NLGN1: variants seen among roughly 807,000 people sequenced by gnomAD.
NLGN1 encodes neuroligin-1.
Under a neutral mutation model 65.5 loss-of-function variants are expected in NLGN1, and 12 were observed. The ratio of observed to expected loss-of-function variants is 0.18; its 90% confidence interval spans 0.12 to 0.30. The LOEUF is 0.30. NLGN1 is among the 10% of genes least tolerant of loss of function. The probability of loss-of-function intolerance (pLI) is 1.00; values close to 1 mark genes in which losing one functional copy is unlikely to be tolerated. For missense variants in NLGN1, 750 were observed against 1,007.1 expected, an observed-to-expected ratio of 0.74 and a Z score of 3.46; for synonymous variants, 350 against 359.5, an observed-to-expected ratio of 0.97 and a Z score of 0.30.
chr3:173,452,257 G>A lies in NLGN1; in HGVS notation c.-321+17179G>A, dbSNP rs144099751. On this transcript the variant is annotated intron_variant, in intron 2 of 6. Transcript: ENST00000457714. ...GTTGCCCAGGCTGGAGTGCAGTGGC[G>A]CGATCTTGGCTCACTGTAAGCTCTT... Among the ~76,000 whole-genome samples the A allele has an allele frequency of 3.3e-3, 497 of 151,872 alleles. 2 individuals are homozygous for A. Among genetic ancestry groups the A allele is most frequent in the African/African-American group, 0.011 (451 of 41,352 alleles).
rs114220806 is a variant in NLGN1, at chr3:173,829,984, T to C, written c.646+22152T>C. 3.1e-3 allele frequency among the ~76,000 whole-genome samples: 422 copies of C among 137,068 alleles called. 2 individuals are homozygous for C. The highest frequency in any genetic ancestry group is 0.011 in the African/African-American group (384 of 34,318). 89.9% of individuals were successfully genotyped at this position (137,068 alleles called of 152,430 possible). On this transcript the variant is annotated intron_variant, in intron 4 of 6. Transcript: ENST00000457714. ...TATTTGCCCGGTGACTTTGGGTAGG[T>C]TATAGAATTACAGTGGGTAGTGTGG...
At chr3:174,152,422 C>T (rs1724549137) in intron 4 of NLGN1, among the ~76,000 whole-genome samples, 1 of 152,060 alleles carries the variant, frequency 6.6e-6, no homozygotes, top group Non-Finnish European at 1.5e-5. Context: ...CGCATGTTCT[C>T]ACTCATAGGT....
chr3:173,615,766 C>A (rs1577551303), intron 3 of NLGN1, among the ~76,000 whole-genome samples: 2 of 144,628 alleles, frequency 1.4e-5, no homozygotes, highest in Non-Finnish European at 1.5e-5. Flanking sequence ...TTTTTTAAAG[C>A]CTAAAGTGTA....
At chr3:173,855,186 T>C (rs1008240634) in intron 4 of NLGN1, among the ~76,000 whole-genome samples, 1 of 152,080 alleles carries the variant, frequency 6.6e-6, no homozygotes, top group African/African-American at 2.4e-5. Context: ...AGTGGTGATA[T>C]TAAGAATTTA....
intron 4 of NLGN1, among the ~76,000 whole-genome samples, chr3:174,172,941 A>G (rs78014064): frequency 0.013 from 2,022 of 152,126 alleles, 49 homozygotes; most frequent in African/African-American, 0.045. Context: ...TTTTCTTCCA[A>G]TCCATGAACA....
intron 2 of NLGN1, among the ~76,000 whole-genome samples, chr3:173,580,393 T>C (rs1288047533): frequency 6.6e-6 from 1 of 152,098 alleles, no homozygotes; most frequent in Non-Finnish European, 1.5e-5. Flanking sequence ...TTTATTTCCA[T>C]TATTATTATT....
chr3:174,210,576 G>A (rs1197908727), intron 4 of NLGN1, among the ~76,000 whole-genome samples: 1 of 152,104 alleles, frequency 6.6e-6, no homozygotes, highest in African/African-American at 2.4e-5. Context: ...AAAGCTTGAG[G>A]CCCAAAGAAA....
At chr3:173,658,341 T>C (rs992987590) in intron 3 of NLGN1, among the ~76,000 whole-genome samples, 1 of 151,942 alleles carries the variant, frequency 6.6e-6, no homozygotes, top group African/African-American at 2.4e-5. Context: ...CATTAATTGC[T>C]TTACAGGAGA....
intron 3 of NLGN1, among the ~76,000 whole-genome samples, chr3:173,618,488 T>G (rs1481481237): frequency 6.6e-6 from 1 of 152,146 alleles, no homozygotes; most frequent in African/African-American, 2.4e-5. Context: ...TGAGCCACTA[T>G]GTCTTTTCTT....
chr3:173,569,133 A>G (rs561572634), intron 2 of NLGN1, among the ~76,000 whole-genome samples: 3 of 152,324 alleles, frequency 2.0e-5, no homozygotes, highest in East Asian at 3.9e-4. Context: ...AGTTTATCCT[A>G]TCAGTTCTAG....
chr3:174,076,725 G>C (rs1267251749), intron 4 of NLGN1, among the ~76,000 whole-genome samples: 1 of 101,008 alleles, frequency 9.9e-6, no homozygotes, highest in Non-Finnish European at 2.0e-5. Flanking sequence ...GAGAGAGAGA[G>C]TGTGTGTGTG....
chr3:173,692,983 C>G (rs1187331282), intron 3 of NLGN1, among the ~76,000 whole-genome samples: 1 of 152,034 alleles, frequency 6.6e-6, no homozygotes, highest in African/African-American at 2.4e-5. Context: ...TTCAATCATA[C>G]CAAGTATCCT....
chr3:174,146,546 C>A (rs1273149180), intron 4 of NLGN1, among the ~76,000 whole-genome samples: 1 of 150,460 alleles, frequency 6.6e-6, no homozygotes, highest in Non-Finnish European at 1.5e-5. Context: ...AAATAAAATT[C>A]TTTATAAAAT....
chr3:173,824,797 A>G (rs575916326), intron 4 of NLGN1, among the ~76,000 whole-genome samples: 1 of 152,214 alleles, frequency 6.6e-6, no homozygotes, highest in Non-Finnish European at 1.5e-5. Flanking sequence ...CTCCGTATCT[A>G]TAGGAATATG....
intron 4 of NLGN1, among the ~76,000 whole-genome samples, chr3:173,934,691 T>A (rs948231503): frequency 6.6e-6 from 1 of 152,032 alleles, no homozygotes; most frequent in Admixed American, 6.6e-5. Context: ...TTTTCTTTTA[T>A]GAGTATTCTC....
chr3:174,090,084 T>C (rs919315592), intron 4 of NLGN1, among the ~76,000 whole-genome samples: 1 of 152,180 alleles, frequency 6.6e-6, no homozygotes, highest in African/African-American at 2.4e-5. Context: ...TTAAAAAATG[T>C]AATCACTTTT....
intron 2 of NLGN1, among the ~76,000 whole-genome samples, chr3:173,592,527 T>C (rs1341921514): frequency 4.6e-5 from 7 of 152,182 alleles, no homozygotes; most frequent in Non-Finnish European, 1.0e-4. Flanking sequence ...GAAATTTCCA[T>C]TGTATTGTCA....
intron 4 of NLGN1, among the ~76,000 whole-genome samples, chr3:174,124,750 C>T (rs565084435): frequency 7.9e-4 from 119 of 150,462 alleles, no homozygotes; most frequent in Admixed American, 6.6e-3. Context: ...ATATTACACA[C>T]GTATATAAAA....
intron 4 of NLGN1, among the ~76,000 whole-genome samples, chr3:174,271,094 C>G (rs1486512484): frequency 6.6e-6 from 1 of 151,798 alleles, no homozygotes. Context: ...CTGCAAATTT[C>G]TTTTCTACCT....
Sources: allele counts gnomAD v4.1 joint callset (sites outside exome capture counted in the v4.1 genomes callset), GRCh38; gene constraint gnomAD v4.1.1; transcripts MANE v1.5; gene names NCBI Gene and HGNC (gene_info 2026-07-23, HGNC 2026-07-21).